ADGRB3: variants seen among roughly 807,000 people sequenced by gnomAD.
ADGRB3 encodes the protein brain-specific angiogenesis inhibitor 3.
In ADGRB3, 37 loss-of-function variants were observed where a neutral mutation model predicts 193.4. The observed-to-expected ratio is 0.19, with a 90% CI of 0.15 to 0.25. The LOEUF (loss-of-function observed/expected upper bound fraction) is 0.25. Among genes scored for constraint, ADGRB3 ranks in the 10% least tolerant of loss-of-function variants. The probability of loss-of-function intolerance (pLI) is 1.00; values close to 1 mark genes in which losing one functional copy is unlikely to be tolerated. For synonymous variants in ADGRB3, 690 were observed against 644.2 expected (o/e 1.07, Z -1.08); for missense variants, 1,637 against 1,852.9 (o/e 0.88, Z 2.14).
chr6:68,872,568 T>G (rs576885728), intron 3 of ADGRB3, among the ~76,000 whole-genome samples: 2 of 152,272 alleles, frequency 1.3e-5, no homozygotes, highest in East Asian at 3.9e-4. Flanking sequence ...ATTCTCCAGA[T>G]GAGAGTTTGC....
chr6:68,739,544 T>A (rs1765937147), intron 3 of ADGRB3, among the ~76,000 whole-genome samples: 2 of 152,048 alleles, frequency 1.3e-5, no homozygotes, highest in South Asian at 4.2e-4. Flanking sequence ...AGTGCACAGG[T>A]CTAGATGCAG....
intron 3 of ADGRB3, among the ~76,000 whole-genome samples, chr6:68,649,207 T>C (rs1471207909): frequency 2.0e-5 from 3 of 152,150 alleles, no homozygotes; most frequent in Admixed American, 1.3e-4. Context: ...ATCACAAATA[T>C]TCAGACTTAT....
At chr6:68,861,625 C>A (rs1353528688) in intron 3 of ADGRB3, among the ~76,000 whole-genome samples, 1 of 152,078 alleles carries the variant, frequency 6.6e-6, no homozygotes, top group African/African-American at 2.4e-5. Context: ...TGCAAATATG[C>A]AAATCTGTAC....
chr6:68,885,314 T>G (rs1765877440), intron 3 of ADGRB3, among the ~76,000 whole-genome samples: 1 of 152,208 alleles, frequency 6.6e-6, no homozygotes, highest in Admixed American at 6.5e-5. Context: ...GAGTATGGAA[T>G]GCGACCTTCT....
chr6:69,324,730 G>A, intron 20 of ADGRB3, 142 bp from the exon 21 acceptor site: 2 of 957,342 alleles, frequency 2.1e-6, no homozygotes, highest in Admixed American at 2.9e-5. Flanking sequence ...TATAATTTCT[G>A]TAAATAATTA....
chr6:68,994,441 G>A (rs150330380), intron 11 of ADGRB3, among the ~76,000 whole-genome samples: 374 of 152,210 alleles, frequency 2.5e-3, no homozygotes, highest in Middle Eastern at 6.8e-3. Flanking sequence ...GAAAATATAA[G>A]GCAAATAGAA....
chr6:69,288,657 G>A (rs1767602666), intron 20 of ADGRB3, among the ~76,000 whole-genome samples: 1 of 152,138 alleles, frequency 6.6e-6, no homozygotes, highest in Non-Finnish European at 1.5e-5. Context: ...TTGCAGATGT[G>A]TCTCCCCAAG....
intron 3 of ADGRB3, among the ~76,000 whole-genome samples, chr6:68,848,757 G>C (rs932965110): frequency 7.2e-5 from 11 of 151,888 alleles, no homozygotes; most frequent in African/African-American, 2.2e-4. Flanking sequence ...TGTTTCTTTT[G>C]TCAAAATTGG....
chr6:68,993,589 C>G (rs1325592956), intron 10 of ADGRB3, among the ~76,000 whole-genome samples, 179 bp from the exon 11 acceptor site: 1 of 152,156 alleles, frequency 6.6e-6, no homozygotes, highest in African/African-American at 2.4e-5. Context: ...TTCTTGCATG[C>G]TGGATGTTTA....
At chr6:69,221,682 G>A (rs950130754) in intron 17 of ADGRB3, among the ~76,000 whole-genome samples, 21 of 152,024 alleles carry the variant, frequency 1.4e-4, no homozygotes, top group South Asian at 8.3e-4. Flanking sequence ...GTGGAATTTC[G>A]TATATGGTTC....
intron 3 of ADGRB3, among the ~76,000 whole-genome samples, chr6:68,902,408 G>A (rs11970510): frequency 0.02 from 2,985 of 151,736 alleles, 80 homozygotes; most frequent in African/African-American, 0.068. Context: ...CTTTCATTAC[G>A]CAAGAAACAG....
intron 17 of ADGRB3, among the ~76,000 whole-genome samples, chr6:69,164,619 C>T (rs941135854): frequency 3.9e-5 from 6 of 152,040 alleles, no homozygotes; most frequent in African/African-American, 1.4e-4. Context: ...GGTAAGTTTA[C>T]TGTCAGTAGA....
Position 69,072,020 on chromosome 6 carries a change from GT to G in ADGRB3, c.2437-3967del, listed in dbSNP as rs372684014. Among the ~76,000 whole-genome samples, 29 of 151,468 alleles carry G rather than the reference GT, an allele frequency of 1.9e-4. No homozygotes were observed. The East Asian group carries it at 3.9e-3, about 20-fold the overall frequency. On this transcript the variant is annotated intron_variant, in intron 16 of 31. Coordinates refer to ENST00000370598, the MANE Select transcript of ADGRB3 (RefSeq NM_001704.3). ...TCAGCAAAACCTTTTAGCCAGCTTTGTTTTTTTTAATATTTAGAATCCATTC... is the reference window on the plus strand; with the variant it reads ...TCAGCAAAACCTTTTAGCCAGCTTTGTTTTTTTAATATTTAGAATCCATTC...
At chr6:68,971,590 G>A (rs867104082) in intron 8 of ADGRB3, among the ~76,000 whole-genome samples, 4 of 152,094 alleles carry the variant, frequency 2.6e-5, no homozygotes, top group Non-Finnish European at 5.9e-5. Context: ...TTATATCAGG[G>A]AGTTGAGCAT....
chr6:69,296,100 AC>A (rs1767809918), intron 20 of ADGRB3, among the ~76,000 whole-genome samples: 1 of 152,152 alleles, frequency 6.6e-6, no homozygotes, highest in Admixed American at 6.6e-5. Flanking sequence ...TTTAAACTAA[AC>A]AATAAATTGT....
chr6:69,327,414 G>A (rs962387010), intron 21 of ADGRB3, among the ~76,000 whole-genome samples: 2 of 152,076 alleles, frequency 1.3e-5, no homozygotes, highest in Non-Finnish European at 2.9e-5. Flanking sequence ...TCAATATGTG[G>A]CCAATGGAAT....
At chr6:68,928,877 T>TA (rs1296584344) in intron 3 of ADGRB3, among the ~76,000 whole-genome samples, 9 of 152,182 alleles carry the variant, frequency 5.9e-5, no homozygotes, top group Admixed American at 5.2e-4. Context: ...ATACTGTTGA[T>TA]AAAAAATTAC....
intron 30 of ADGRB3, among the ~76,000 whole-genome samples, chr6:69,379,267 C>G (rs1052353317): frequency 6.6e-6 from 1 of 151,858 alleles, no homozygotes; most frequent in African/African-American, 2.4e-5. Context: ...TTTGAAAACT[C>G]AATTCTAAGT....
At chr6:68,854,953 A>C (rs974429747) in intron 3 of ADGRB3, among the ~76,000 whole-genome samples, 8 of 151,930 alleles carry the variant, frequency 5.3e-5, no homozygotes, top group East Asian at 3.9e-4. Flanking sequence ...ATCCTGCCCC[A>C]AAAACCCATC....
Sources: gnomAD v4.1 joint callset for allele counts (sites outside exome capture counted in the v4.1 genomes callset) on GRCh38, gnomAD v4.1.1 for gene constraint, MANE v1.5 for transcripts, NCBI Gene and HGNC (gene_info 2026-07-23, HGNC 2026-07-21) for gene names.